Variants in DDX60 observed in about 807,000 individuals in gnomAD.
DDX60 encodes DExD/H-box helicase 60.
In DDX60, 165 loss-of-function variants were observed where a neutral mutation model predicts 212.8. The ratio of observed to expected loss-of-function variants is 0.78; its 90% confidence interval spans 0.68 to 0.88. The LOEUF is 0.88. Ranked by LOEUF, DDX60 falls within the 40% of genes least tolerant of loss-of-function variation. DDX60 has a pLI of 0.00. For missense variants in DDX60, 1,905 were observed against 2,003.9 expected (o/e 0.95, Z 0.94); for synonymous variants, 703 against 685.3 (o/e 1.03, Z -0.40).
intron 33 of DDX60, among the ~76,000 whole-genome samples, chr4:168,231,665 C>G (rs560834026): frequency 8.6e-5 from 13 of 151,998 alleles, no homozygotes; most frequent in South Asian, 6.2e-4. Flanking sequence ...ATCCAGCATC[C>G]CTTTAGGATT....
At chr4:168,292,043 TTCTTTC>T (rs1475767840) in intron 7 of DDX60, 137 bp from the exon 8 acceptor site, 11 of 492,010 alleles carry the variant, frequency 2.2e-5, no homozygotes, top group African/African-American at 1.1e-4. Flanking sequence ...CTTTCTTTCT[TTCTTTC>T]TTTTTTTTTT....
chr4:168,270,666 C>T (rs1735051155), intron 19 of DDX60, among the ~76,000 whole-genome samples: 1 of 151,998 alleles, frequency 6.6e-6, no homozygotes, highest in African/African-American at 2.4e-5. Context: ...ATGAGATTAA[C>T]CAAAAATAAA....
At chr4:168,286,563 T>A (rs566033027) in intron 10 of DDX60, among the ~76,000 whole-genome samples, 17 of 152,208 alleles carry the variant, frequency 1.1e-4, no homozygotes, top group African/African-American at 4.1e-4. Context: ...CCTGGGATCC[T>A]CCTAGTGCTC....
intron 22 of DDX60, among the ~76,000 whole-genome samples, chr4:168,263,096 A>G (rs1273920501): frequency 1.3e-5 from 2 of 152,242 alleles, no homozygotes; most frequent in Non-Finnish European, 2.9e-5. Flanking sequence ...TTGTGGACTC[A>G]GTTTAGACAA....
chr4:168,239,865 T>C (rs1733776074), intron 30 of DDX60, among the ~76,000 whole-genome samples: 1 of 151,912 alleles, frequency 6.6e-6, no homozygotes. Flanking sequence ...AGATCTGACC[T>C]ATGAAAATTG....
At chr4:168,322,321 C>G (rs897058949), upstream of DDX60, among the ~76,000 whole-genome samples, 1 of 152,188 alleles carries the variant, frequency 6.6e-6, no homozygotes, top group African/African-American at 2.4e-5. Context: ...AGTTAGAAAC[C>G]TGGGAGCCAT....
At chr4:168,263,879 AAGAG>A (rs372250263) in intron 22 of DDX60, among the ~76,000 whole-genome samples, 2 of 152,330 alleles carry the variant, frequency 1.3e-5, no homozygotes, top group East Asian at 1.9e-4. Context: ...AAAAAGAAAA[AAGAG>A]AGAGAAATGA....
chr4:168,290,214 G>T (rs912165969), intron 8 of DDX60, among the ~76,000 whole-genome samples: 5 of 152,008 alleles, frequency 3.3e-5, no homozygotes, highest in Admixed American at 3.3e-4. Flanking sequence ...CACACATGCT[G>T]CTTCACGCCC....
chr4:168,251,094 C>A lies in DDX60; in HGVS notation c.3718G>T (p.Val1240Leu), dbSNP rs1406980193. Residue 1240 changes from valine (V) to leucine (L), a missense_variant, in exon 28 of 38, where the codon GTA becomes TTA. Coordinates refer to ENST00000393743, the MANE Select transcript of DDX60 (RefSeq NM_017631.6). ...KAVDTETLQK[V>L]FGRVKFERKG... ...CTTTCAAATTTTACTCGACCAAATA[C>A]CTTCTGCAAAGTCTAAAAGAAGCAA... 6.2e-7 allele frequency: 1 copy of A among 1,610,908 alleles called. No individual in the cohort carries two copies. Among genetic ancestry groups the A allele is most frequent in the African/African-American group, 1.3e-5 (1 of 74,810 alleles).
intron 3 of DDX60, among the ~76,000 whole-genome samples, chr4:168,309,201 G>T (rs925912324): frequency 2.6e-5 from 4 of 152,114 alleles, no homozygotes; most frequent in African/African-American, 9.7e-5. Context: ...ATCTCTCATG[G>T]TTCTTGCGTA....
At chr4:168,318,457 C>T (rs1410915511) in intron 1 of DDX60, among the ~76,000 whole-genome samples, 165 bp downstream of exon 1, 5 of 152,232 alleles carry the variant, frequency 3.3e-5, no homozygotes, top group Non-Finnish European at 5.9e-5. Flanking sequence ...CAGCAGGGGG[C>T]CCGTGCGCCA....
At chr4:168,299,379 A>G (rs1736551780) in intron 6 of DDX60, among the ~76,000 whole-genome samples, 1 of 151,982 alleles carries the variant, frequency 6.6e-6, no homozygotes, top group Admixed American at 6.6e-5. Context: ...ATAAAAATAA[A>G]CGAATTTTAA....
rs538097635 is a variant in DDX60, at chr4:168,276,161, T to C, written c.1999A>G (p.Ser667Gly). Residue 667 changes from serine (S) to glycine (G), a missense_variant, in exon 15 of 38, where the codon AGT (serine) becomes GGT (glycine). By Grantham distance (56) the Ser-to-Gly change is moderately conservative. Transcript: ENST00000393743. ...CTTTTCATCACCTGAACAGCTATACTTAAATCTTTCGTGGTTTTACCTTGA... is the reference window on the plus strand; with the variant it reads ...CTTTTCATCACCTGAACAGCTATACCTAAATCTTTCGTGGTTTTACCTTGA... ...SEEGKTTKDL[S>G]IAVQVMKRIH... is the part of the protein sequence containing the mutation. 3 of 1,608,280 alleles carry C rather than the reference T, an allele frequency of 1.9e-6. No homozygotes were observed. The South Asian group carries it at 3.3e-5, about 18-fold the overall frequency.
At chr4:168,273,472 T>A (rs1482496120) in intron 17 of DDX60, 74 bp from the exon 18 acceptor site, 1 of 1,573,236 alleles carries the variant, frequency 6.4e-7, no homozygotes, top group Non-Finnish European at 8.7e-7. Flanking sequence ...ACAAGAACTG[T>A]CTAAAAGTGT....
intron 10 of DDX60, among the ~76,000 whole-genome samples, chr4:168,286,666 T>C (rs1170093982): frequency 6.6e-6 from 1 of 152,000 alleles, no homozygotes; most frequent in East Asian, 1.9e-4. Flanking sequence ...CTTCCCTAAA[T>C]TTTTCAGCCC....
intron 20 of DDX60, 76 bp from the exon 21 acceptor site, chr4:168,268,059 G>T: frequency 7.8e-7 from 1 of 1,275,756 alleles, no homozygotes; most frequent in South Asian, 1.5e-5. Flanking sequence ...TTTAAGTAAA[G>T]ACAATTTCAT....
chr4:168,283,454 T>C lies in DDX60; in HGVS notation c.1714A>G (p.Lys572Glu). 1.9e-6 allele frequency: 3 copies of C among 1,613,164 alleles called. No individual in the cohort carries two copies. The highest frequency in any genetic ancestry group is 2.5e-6 in the Non-Finnish European group (3 of 1,179,562). ...GAATTTATAGAACCTACGTGTGCCT[T>C]TTTGCTCTTGGGCCCACTAAAATCC... ...KKDFSGPKSK[K>E]AHETKAEIIA... Residue 572 changes from lysine (K) to glutamate (E), a missense_variant, in exon 13 of 38, where the codon AAG becomes GAG. Transcript: ENST00000393743.
rs1735398786 is a variant in DDX60, at chr4:168,277,611, G to A, written c.1979-1430C>T. ...CCAGCACTTTGGGAGGCCGAGGCGGGCAGATCACAACGTCAGGAGATGGAG... is the reference window on the plus strand; with the variant it reads ...CCAGCACTTTGGGAGGCCGAGGCGGACAGATCACAACGTCAGGAGATGGAG... On this transcript the variant is annotated intron_variant, in intron 14 of 37. Coordinates refer to ENST00000393743, the MANE Select transcript of DDX60 (RefSeq NM_017631.6). Among the ~76,000 whole-genome samples the A allele has an allele frequency of 3.9e-5, 6 of 151,956 alleles. 1 individual carries two copies. The South Asian group carries it at 1.2e-3, about 31-fold the overall frequency.
chr4:168,307,076 A>G (rs999210897), intron 4 of DDX60, among the ~76,000 whole-genome samples: 1 of 152,194 alleles, frequency 6.6e-6, no homozygotes, highest in Non-Finnish European at 1.5e-5. Flanking sequence ...GAGGTGAACC[A>G]TTGTGTTTTA....
Sources: allele counts gnomAD v4.1 joint callset (sites outside exome capture counted in the v4.1 genomes callset), GRCh38; gene constraint gnomAD v4.1.1; transcripts MANE v1.5; gene names NCBI Gene and HGNC (gene_info 2026-07-23, HGNC 2026-07-21).